Variants in DUSP16 observed in about 807,000 individuals in gnomAD.
The protein encoded by DUSP16 is dual specificity protein phosphatase 16.
DUSP16 carries 21 observed loss-of-function variants against 58.3 expected under a neutral mutation model. The observed-to-expected ratio is 0.36, with a 90% CI of 0.26 to 0.52. DUSP16 has a LOEUF of 0.52. Among genes scored for constraint, DUSP16 ranks in the 20% least tolerant of loss-of-function variants. The pLI is 0.94. For synonymous variants in DUSP16, 320 were observed against 323.8 expected (o/e 0.99, Z 0.12); for missense variants, 726 against 819.0 (o/e 0.89, Z 1.39).
At chr12:12,496,657 T>C (rs1377151076) in intron 4 of DUSP16, among the ~76,000 whole-genome samples, 1 of 152,250 alleles carries the variant, frequency 6.6e-6, no homozygotes, top group Non-Finnish European at 1.5e-5. Flanking sequence ...TTTGAAATTG[T>C]AACTGATAAG....
At chr12:12,481,425 C>A (rs532500734) in intron 5 of DUSP16, among the ~76,000 whole-genome samples, 1 of 152,288 alleles carries the variant, frequency 6.6e-6, no homozygotes, top group African/African-American at 2.4e-5. Flanking sequence ...AAGCTGAATT[C>A]TCCCCTTTTC....
intron 1 of DUSP16, among the ~76,000 whole-genome samples, chr12:12,527,652 A>C (rs978480092): frequency 6.6e-6 from 1 of 152,174 alleles, no homozygotes; most frequent in African/African-American, 2.4e-5. Flanking sequence ...AACAAAGTAA[A>C]ACTACAAACT....
At chr12:12,495,345 G>T (rs1943814747) in intron 4 of DUSP16, among the ~76,000 whole-genome samples, 1 of 151,884 alleles carries the variant, frequency 6.6e-6, no homozygotes, top group African/African-American at 2.4e-5. Context: ...CAGCAGGCGA[G>T]GTTCATCTGC....
At chr12:12,552,790 CTTTTT>C (rs956646196) in intron 1 of DUSP16, among the ~76,000 whole-genome samples, 1 of 151,602 alleles carries the variant, frequency 6.6e-6, no homozygotes. Context: ...GTTTTTTCTT[CTTTTT>C]TTTGAGACAC....
Position 12,474,588 on chromosome 12 carries a change from G to C in DUSP16, c.*2245C>G. ...GCCACCCCTTCGCCACGGCAGTCTCGATTCCAAGAACTGATTATCTGACAC... is the reference window on the plus strand; with the variant it reads ...GCCACCCCTTCGCCACGGCAGTCTCCATTCCAAGAACTGATTATCTGACAC... On this transcript the variant is annotated 3_prime_UTR_variant, in exon 7 of 7. Coordinates refer to ENST00000298573, the MANE Select transcript of DUSP16 (RefSeq NM_030640.3). 1 of 152,266 alleles carries C rather than the reference G, an allele frequency of 6.6e-6. No homozygotes were observed. Among genetic ancestry groups the C allele is most frequent in the East Asian group, 1.9e-4 (1 of 5,184 alleles). The allele number at this position is 152,266 out of a possible 1,614,324, so 9.4% of individuals were successfully genotyped here. A position where few individuals can be genotyped will look rare whatever the true frequency, so the allele number is the denominator to read the frequency against.
At chr12:12,520,731 TACC>T in intron 2 of DUSP16, 137 bp downstream of exon 2, 2 of 819,302 alleles carry the variant, frequency 2.4e-6, no homozygotes, top group African/African-American at 1.7e-5. Flanking sequence ...TATTTTGAGG[TACC>T]ACAAGGCACC....
intron 4 of DUSP16, among the ~76,000 whole-genome samples, chr12:12,498,041 G>T (rs1943855518): frequency 6.6e-6 from 1 of 152,076 alleles, no homozygotes; most frequent in Non-Finnish European, 1.5e-5. Flanking sequence ...TGTTTGTAAA[G>T]ACTTCAACTT....
chr12:12,559,201 G>A (rs1186698450), intron 1 of DUSP16, among the ~76,000 whole-genome samples: 1 of 152,152 alleles, frequency 6.6e-6, no homozygotes, highest in Non-Finnish European at 1.5e-5. Context: ...GTAGCTTTGG[G>A]CAAGACTTAT....
chr12:12,553,567 G>C (rs1355063902), intron 1 of DUSP16, among the ~76,000 whole-genome samples: 1 of 152,078 alleles, frequency 6.6e-6, no homozygotes, highest in African/African-American at 2.4e-5. Context: ...TTTTGAAACA[G>C]GGTCTCACTC....
Position 12,498,106 on chromosome 12 carries a change from T to C in DUSP16, c.531+2413A>G, listed in dbSNP as rs1253975361. Among the ~76,000 whole-genome samples the C allele has an allele frequency of 2.0e-5, 3 of 152,282 alleles. No individual in the cohort carries two copies. The East Asian group carries it at 5.8e-4, about 29-fold the overall frequency. On this transcript the variant is annotated intron_variant, in intron 4 of 6. Coordinates refer to ENST00000298573, the MANE Select transcript of DUSP16 (RefSeq NM_030640.3). ...TAGGGAAGATTATAAAATTTTCATT[T>C]TTGGAGATCTTTAGGAAAAAAAGAA...
intron 3 of DUSP16, among the ~76,000 whole-genome samples, chr12:12,513,874 G>A (rs1944111895): frequency 6.6e-6 from 1 of 151,858 alleles, no homozygotes; most frequent in Non-Finnish European, 1.5e-5. Flanking sequence ...CTTCTAATCT[G>A]GCGCTCTTAG....
chr12:12,540,932 TTCTTTTCTTTTCTTTTC>T, intron 1 of DUSP16, among the ~76,000 whole-genome samples: 1 of 108,948 alleles, frequency 9.2e-6, no homozygotes, highest in East Asian at 2.5e-4. Flanking sequence ...TTGCTTTTTT[TTCTTTTCTTTTCTTTTC>T]TTTTTTTTTT....
intron 1 of DUSP16, among the ~76,000 whole-genome samples, chr12:12,545,605 A>AT (rs1944630619): frequency 6.6e-6 from 1 of 152,036 alleles, no homozygotes; most frequent in Non-Finnish European, 1.5e-5. Context: ...TTAAAGCATT[A>AT]TTTTTTAACT....
At chr12:12,493,513 T>C (rs1943789539) in intron 4 of DUSP16, among the ~76,000 whole-genome samples, 1 of 152,180 alleles carries the variant, frequency 6.6e-6, no homozygotes, top group African/African-American at 2.4e-5. Flanking sequence ...CCCTCTGAAC[T>C]CTTTTTCTCA....
At chr12:12,547,457 CA>C (rs202208136) in intron 1 of DUSP16, among the ~76,000 whole-genome samples, 932 of 80,372 alleles carry the variant, frequency 0.012, 11 homozygotes, top group African/African-American at 0.033. Flanking sequence ...CAAAAAAAAG[CA>C]AAAAAAAAAA....
At chr12:12,490,303 T>G (rs1170593101) in intron 4 of DUSP16, among the ~76,000 whole-genome samples, 2 of 152,100 alleles carry the variant, frequency 1.3e-5, no homozygotes, top group African/African-American at 4.8e-5. Flanking sequence ...GCTTAAAAGG[T>G]CTATTGATTA....
chr12:12,553,288 T>C (rs2136270184), intron 1 of DUSP16, among the ~76,000 whole-genome samples: 1 of 152,238 alleles, frequency 6.6e-6, no homozygotes, highest in Non-Finnish European at 1.5e-5. Flanking sequence ...TTTAAGTATA[T>C]GTATACAAGA....
rs775499226 is a variant in DUSP16, at chr12:12,477,695, G to A, written c.1136C>T (p.Ala379Val). Residue 379 changes from alanine to valine, a missense_variant, in exon 7 of 7, where the codon GCG becomes GTG. Coordinates refer to ENST00000298573, the MANE Select transcript of DUSP16 (RefSeq NM_030640.3). This position sits in a 1 kb window ranked among gnomAD's most constrained non-coding sequence, Gnocchi z 4.1. The stretch of plus-strand genomic sequence containing the variant: ...TGCGGACAGGTGCAGCCCACTGAGC[G>A]CCTGTACCAGCGGGCTGTCCTCTAA... ...SLLEDSPLVQ[A>V]LSGLHLSADR... The A allele has an allele frequency of 1.4e-5, 23 of 1,613,352 alleles. No individual in the cohort carries two copies. The highest frequency in any genetic ancestry group is 2.2e-5 in the East Asian group (1 of 44,858).
chr12:12,486,188 G>T (rs1943678925), intron 5 of DUSP16, among the ~76,000 whole-genome samples: 1 of 152,044 alleles, frequency 6.6e-6, no homozygotes, highest in Non-Finnish European at 1.5e-5. Context: ...TCCAACTTAT[G>T]TAACTGGGGG....
Sources: gnomAD v4.1 joint callset for allele counts (sites outside exome capture counted in the v4.1 genomes callset) on GRCh38, gnomAD v4.1.1 for gene constraint, Gnocchi (gnomAD v3.1) non-coding constraint, MANE v1.5 for transcripts, NCBI Gene and HGNC (gene_info 2026-07-23, HGNC 2026-07-21) for gene names.